The following PRICKLE1 variants were observed in gnomAD, a reference collection of about 807,000 sequenced individuals.
The protein encoded by PRICKLE1 is prickle planar cell polarity protein 1, also known as prickle-like protein 1.
PRICKLE1 carries 14 observed loss-of-function variants against 70.2 expected under a neutral mutation model. That is an observed-to-expected ratio of 0.20 (90% confidence interval 0.13 to 0.31). The LOEUF is 0.31. Among genes scored for constraint, PRICKLE1 ranks in the 10% least tolerant of loss-of-function variants. PRICKLE1 has a pLI of 1.00. For synonymous variants in PRICKLE1, 357 were observed against 379.9 expected, an observed-to-expected ratio of 0.94 and a Z score of 0.70; for missense variants, 821 against 1,026.2, an observed-to-expected ratio of 0.80 and a Z score of 2.73.
At position 42,464,608 on chromosome 12, in the gene PRICKLE1, A is replaced by G; in HGVS notation, c.1426T>C (p.Ser476Pro). 1 of 1,613,754 alleles carries G rather than the reference A, an allele frequency of 6.2e-7. No individual in the cohort carries two copies. The highest frequency in any genetic ancestry group is 8.5e-7 in the Non-Finnish European group (1 of 1,179,964). Reference protein sequence around the residue: ...KYQSDMYWAQSQDGLGDSAYG... With the variant: ...KYQSDMYWAQPQDGLGDSAYG... ...GCAGAATCGCCCAGTCCATCTTGTGACTGTGCCCAGTACATATCAGACTGG... is the reference window on the plus strand; with the variant it reads ...GCAGAATCGCCCAGTCCATCTTGTGGCTGTGCCCAGTACATATCAGACTGG... Residue 476 changes from serine to proline, a missense_variant, in exon 7 of 8, where the codon TCA becomes CCA. Transcript: ENST00000345127. The surrounding 1 kb of genome is among the most constrained non-coding windows in gnomAD (Gnocchi z 4.2).
intron 1 of PRICKLE1, among the ~76,000 whole-genome samples, chr12:42,523,883 T>C (rs1354481821): frequency 6.6e-6 from 1 of 152,234 alleles, no homozygotes; most frequent in Non-Finnish European, 1.5e-5. Context: ...AGCTAGGTGT[T>C]TTGTAAATAA....
chr12:42,481,266 C>T (rs11181519), intron 1 of PRICKLE1, among the ~76,000 whole-genome samples: 1,760 of 152,236 alleles, frequency 0.012, 38 homozygotes, highest in East Asian at 0.089. Flanking sequence ...AAATCAAAAT[C>T]ATGCAAATAG....
At chr12:42,549,061 G>C (rs1464493298) in intron 1 of PRICKLE1, among the ~76,000 whole-genome samples, 1 of 144,854 alleles carries the variant, frequency 6.9e-6, no homozygotes, top group Non-Finnish European at 1.5e-5. Context: ...AGAGGTTGCA[G>C]TGAGCTGAGA....
chr12:42,553,707 C>CT (rs1940365876), intron 1 of PRICKLE1, among the ~76,000 whole-genome samples: 2 of 152,218 alleles, frequency 1.3e-5, no homozygotes, highest in South Asian at 4.1e-4. Flanking sequence ...AAGACAATGG[C>CT]TTGTAGGGTC....
At chr12:42,466,031 CATTT>C (rs1938082673) in intron 6 of PRICKLE1, 159 bp downstream of exon 6, 1 of 757,350 alleles carries the variant, frequency 1.3e-6, no homozygotes, top group Non-Finnish European at 2.2e-6. Flanking sequence ...ACTCTCTGTT[CATTT>C]GTCAAAGCTC....
At chr12:42,551,076 A>AT (rs549545853) in intron 1 of PRICKLE1, among the ~76,000 whole-genome samples, 17 of 152,210 alleles carry the variant, frequency 1.1e-4, no homozygotes, top group Admixed American at 3.9e-4. Flanking sequence ...TAGACTATGT[A>AT]TTTTTTTAAT....
chr12:42,530,329 A>G (rs1939888701), intron 1 of PRICKLE1, among the ~76,000 whole-genome samples: 1 of 152,154 alleles, frequency 6.6e-6, no homozygotes, highest in South Asian at 2.1e-4. Flanking sequence ...TTTTTATTTC[A>G]TATGAAACAC....
intron 1 of PRICKLE1, among the ~76,000 whole-genome samples, chr12:42,500,092 A>C (rs1006947673): frequency 2.6e-5 from 4 of 152,146 alleles, no homozygotes; most frequent in African/African-American, 9.7e-5. Flanking sequence ...TCAGCCAGAA[A>C]TGAAGCAATG....
At chr12:42,544,610 G>A (rs775111819) in intron 1 of PRICKLE1, among the ~76,000 whole-genome samples, 17 of 152,174 alleles carry the variant, frequency 1.1e-4, no homozygotes, top group Non-Finnish European at 1.6e-4. Flanking sequence ...CCATCAGGAA[G>A]TTCCCTCTCT....
chr12:42,493,994 G>T (rs12317555), intron 1 of PRICKLE1, among the ~76,000 whole-genome samples: 8,119 of 152,236 alleles, frequency 0.053, 625 homozygotes, highest in African/African-American at 0.17. Context: ...AGCAAATATT[G>T]TAATTTCCCA....
chr12:42,505,243 T>G (rs67241766), intron 1 of PRICKLE1, among the ~76,000 whole-genome samples: 26,399 of 152,126 alleles, frequency 0.17, 3,040 homozygotes, highest in African/African-American at 0.31. Context: ...TGTATCTGTG[T>G]GGGTAGATGG....
chr12:42,520,119 C>T (rs182668860), intron 1 of PRICKLE1, among the ~76,000 whole-genome samples: 3 of 152,248 alleles, frequency 2.0e-5, no homozygotes, highest in Admixed American at 6.5e-5. Flanking sequence ...CTAGTTTGTG[C>T]CTCTTTTTCT....
At chr12:42,495,936 A>G (rs1267833033) in intron 1 of PRICKLE1, among the ~76,000 whole-genome samples, 2 of 152,216 alleles carry the variant, frequency 1.3e-5, no homozygotes, top group Non-Finnish European at 2.9e-5. Flanking sequence ...TGAGGGTTGA[A>G]ATAAACTTCT....
At chr12:42,527,916 A>AATAT (rs1163552624) in intron 1 of PRICKLE1, among the ~76,000 whole-genome samples, 3 of 20,158 alleles carry the variant, frequency 1.5e-4, no homozygotes, top group African/African-American at 1.5e-4. Flanking sequence ...TACTCTTTAT[A>AATAT]ATATATATAT....
At chr12:42,481,206 C>CTG (rs1938780578) in intron 1 of PRICKLE1, among the ~76,000 whole-genome samples, 2 of 152,130 alleles carry the variant, frequency 1.3e-5, no homozygotes, top group Admixed American at 6.5e-5. Context: ...AACTGTATAT[C>CTG]AGGTCTGGTA....
Position 42,521,425 on chromosome 12 carries a change from T to C in PRICKLE1, c.-48-48861A>G, listed in dbSNP as rs964889314. 2.0e-5 allele frequency among the ~76,000 whole-genome samples: 3 copies of C among 152,138 alleles called. No homozygotes were observed. In the South Asian group the frequency reaches 6.2e-4, roughly 31 times the overall value. ...AGTTAAAAGCAGTTAATAGACCTAC[T>C]GCAGTGGCTCATACCTGTAATCCCA... On this transcript the variant is annotated intron_variant, in intron 1 of 7. Coordinates refer to ENST00000345127, the MANE Select transcript of PRICKLE1 (RefSeq NM_153026.3).
chr12:42,587,487 T>C (rs1409552729), intron 1 of PRICKLE1, among the ~76,000 whole-genome samples: 3 of 152,270 alleles, frequency 2.0e-5, no homozygotes, highest in African/African-American at 7.2e-5. Flanking sequence ...TCCATTTATT[T>C]GTAGCACCTT....
At chr12:42,527,511 T>C (rs1939827196) in intron 1 of PRICKLE1, among the ~76,000 whole-genome samples, 1 of 152,122 alleles carries the variant, frequency 6.6e-6, no homozygotes, top group African/African-American at 2.4e-5. Context: ...AACTCAAAAA[T>C]CCACTTAGCA....
chr12:42,462,953 ATATC>A (rs1937916250), intron 7 of PRICKLE1, among the ~76,000 whole-genome samples: 1 of 152,226 alleles, frequency 6.6e-6, no homozygotes, highest in South Asian at 2.1e-4. Flanking sequence ...AAATGCAATC[ATATC>A]ATCCACTCTA....
Sources: gnomAD v4.1 joint callset for allele counts (sites outside exome capture counted in the v4.1 genomes callset) on GRCh38, gnomAD v4.1.1 for gene constraint, Gnocchi (gnomAD v3.1) non-coding constraint, MANE v1.5 for transcripts, NCBI Gene and HGNC (gene_info 2026-07-23, HGNC 2026-07-21) for gene names.